The following KATNIP variants were observed in gnomAD, a reference collection of about 807,000 sequenced individuals.
The protein encoded by KATNIP is katanin-interacting protein.
Under a neutral mutation model 174.0 loss-of-function variants are expected in KATNIP, and 126 were observed. The observed-to-expected ratio is 0.72, with a 90% CI of 0.63 to 0.84. The LOEUF is 0.84. KATNIP is among the 40% of genes least tolerant of loss of function. The pLI, the probability that KATNIP is intolerant of heterozygous loss-of-function variation, is 0.00. For synonymous variants in KATNIP, 810 were observed against 835.7 expected (o/e 0.97, Z 0.53); for missense variants, 1,958 against 2,109.7 (o/e 0.93, Z 1.41).
intron 1 of KATNIP, among the ~76,000 whole-genome samples, chr16:27,561,841 A>G (rs978267830): frequency 2.6e-5 from 4 of 152,196 alleles, no homozygotes; most frequent in African/African-American, 9.6e-5. Context: ...ACTCTGAAGT[A>G]TCTTAGAACC....
chr16:27,659,870 C>A, intron 6 of KATNIP: 1 of 236,428 alleles, frequency 4.2e-6, no homozygotes, highest in Non-Finnish European at 6.9e-6. Flanking sequence ...TGGTGGCACG[C>A]CATGGTTATC....
At chr16:27,672,234 G>A (rs921331242) in intron 6 of KATNIP, among the ~76,000 whole-genome samples, 7 of 151,962 alleles carry the variant, frequency 4.6e-5, no homozygotes, top group African/African-American at 9.7e-5. Flanking sequence ...CCTTCCAGCC[G>A]TTCCTGCCTC....
At chr16:27,744,440 A>G (rs1263456552) in intron 15 of KATNIP, among the ~76,000 whole-genome samples, 1 of 152,148 alleles carries the variant, frequency 6.6e-6, no homozygotes, top group Non-Finnish European at 1.5e-5. Context: ...AGGCAGGAGG[A>G]TCACTTGAAC....
At chr16:27,672,029 C>G (rs898252249) in intron 6 of KATNIP, among the ~76,000 whole-genome samples, 2 of 152,100 alleles carry the variant, frequency 1.3e-5, no homozygotes, top group Admixed American at 6.6e-5. Flanking sequence ...GCATTCCAGC[C>G]TGGGCAACAA....
At chr16:27,693,837 T>C (rs1235590524) in intron 8 of KATNIP, among the ~76,000 whole-genome samples, 1 of 152,172 alleles carries the variant, frequency 6.6e-6, no homozygotes, top group Non-Finnish European at 1.5e-5. Flanking sequence ...CAACATTTCT[T>C]AGAAACTGGA....
At chr16:27,660,417 C>T (rs1040067294) in intron 6 of KATNIP, among the ~76,000 whole-genome samples, 11 of 152,068 alleles carry the variant, frequency 7.2e-5, no homozygotes, top group African/African-American at 9.7e-5. Context: ...GGCATGGTGG[C>T]GCATGCCTGT....
chr16:27,704,193 A>G (rs1348899305), intron 12 of KATNIP, among the ~76,000 whole-genome samples, 195 bp downstream of exon 12: 1 of 152,052 alleles, frequency 6.6e-6, no homozygotes, highest in African/African-American at 2.4e-5. Context: ...GATGTAGGCC[A>G]GAAGTTTCAG....
chr16:27,672,095 A>G (rs531810331), intron 6 of KATNIP, among the ~76,000 whole-genome samples: 1 of 152,144 alleles, frequency 6.6e-6, no homozygotes, highest in East Asian at 1.9e-4. Context: ...CAGAAATCAG[A>G]TAACATTGTA....
At chr16:27,641,666 T>C (rs1204186492) in intron 5 of KATNIP, among the ~76,000 whole-genome samples, 2 of 152,230 alleles carry the variant, frequency 1.3e-5, no homozygotes, top group Non-Finnish European at 2.9e-5. Context: ...CCTGATCTTA[T>C]GCTATTGGAA....
chr16:27,697,149 A>G (rs1037482166), intron 8 of KATNIP, among the ~76,000 whole-genome samples: 2 of 152,196 alleles, frequency 1.3e-5, no homozygotes, highest in Admixed American at 6.5e-5. Flanking sequence ...AGGATGATTT[A>G]TATTCCTTTG....
At chr16:27,576,454 C>T (rs1325151795) in intron 2 of KATNIP, among the ~76,000 whole-genome samples, 1 of 151,978 alleles carries the variant, frequency 6.6e-6, no homozygotes. Context: ...AAAACCAACC[C>T]CAAACAATTA....
At chr16:27,595,670 C>A (rs2075313359) in intron 2 of KATNIP, among the ~76,000 whole-genome samples, 1 of 152,194 alleles carries the variant, frequency 6.6e-6, no homozygotes, top group African/African-American at 2.4e-5. Context: ...AACACAAATC[C>A]ATGCCCCTGT....
rs374745304 is a variant in KATNIP at position 27,580,793 on chromosome 16, G to A, written c.63+6837G>A. Among the ~76,000 whole-genome samples the A allele has an allele frequency of 3.3e-5, 5 of 149,654 alleles. 1 individual carries two copies. Among genetic ancestry groups the A allele is most frequent in the Admixed American group, 2.0e-4 (3 of 14,970 alleles). ...ACCTCTCTCTTTTCATGGCTGCCTA[G>A]TACTCCATTGTGAATTTACAGGAAT... On this transcript the variant is annotated intron_variant, in intron 2 of 27. Coordinates refer to ENST00000261588, the MANE Select transcript of KATNIP (RefSeq NM_015202.5).
In KATNIP at chr16:27,766,293, G is replaced by T; in HGVS notation, c.3810-16G>T. The stretch of plus-strand genomic sequence containing the variant: ...CACTGAGCCGCCCCCCTGCCGCTCC[G>T]TCCCCATTGCTGCAGGTTAATTGAT... On this transcript the variant is annotated splice_polypyrimidine_tract_variant and intron_variant, in intron 19 of 27. Coordinates refer to ENST00000261588, the MANE Select transcript of KATNIP (RefSeq NM_015202.5). The T allele has an allele frequency of 6.2e-7, 1 of 1,613,330 alleles. No homozygotes were observed. The highest frequency in any genetic ancestry group is 8.5e-7 in the Non-Finnish European group (1 of 1,179,782).
At chr16:27,708,447 T>C (rs2079421487) in intron 12 of KATNIP, 3 of 429,628 alleles carry the variant, frequency 7.0e-6, no homozygotes, top group Non-Finnish European at 4.1e-6. Flanking sequence ...CATTTTTATT[T>C]ATTTGTAAAC....
At chr16:27,763,819 AT>A (rs2082034801) in intron 19 of KATNIP, among the ~76,000 whole-genome samples, 1 of 151,704 alleles carries the variant, frequency 6.6e-6, no homozygotes, top group African/African-American at 2.4e-5. Flanking sequence ...CCCTTTTTCC[AT>A]TTTTTTCTTG....
chr16:27,613,958 C>T (rs569051478), intron 2 of KATNIP, among the ~76,000 whole-genome samples: 2 of 152,222 alleles, frequency 1.3e-5, no homozygotes, highest in African/African-American at 2.4e-5. Flanking sequence ...ACCCTGTTGC[C>T]CCAGCTGCAG....
chr16:27,757,691 G>A (rs888788490), intron 18 of KATNIP, among the ~76,000 whole-genome samples: 2 of 152,176 alleles, frequency 1.3e-5, no homozygotes, highest in Non-Finnish European at 2.9e-5. Flanking sequence ...CTGTTTTGAG[G>A]CCTGTGATTT....
intron 18 of KATNIP, chr16:27,755,765 TG>T (rs1465579468): frequency 6.6e-6 from 1 of 152,374 alleles, no homozygotes; most frequent in East Asian, 1.9e-4. Flanking sequence ...CCCAAGTAGC[TG>T]GGATTACTGG....
Sources: gnomAD v4.1 joint callset for allele counts (sites outside exome capture counted in the v4.1 genomes callset) on GRCh38, gnomAD v4.1.1 for gene constraint, MANE v1.5 for transcripts, NCBI Gene and HGNC (gene_info 2026-07-23, HGNC 2026-07-21) for gene names.